TTC28: variants seen among roughly 807,000 people sequenced by gnomAD.
TTC28 encodes the protein tetratricopeptide repeat domain 28, also known as tetratricopeptide repeat protein 28.
In TTC28, 61 loss-of-function variants were observed where a neutral mutation model predicts 198.0. The observed-to-expected ratio is 0.31, with a 90% confidence interval of 0.25 to 0.38. The LOEUF is 0.38. Among genes scored for constraint, TTC28 ranks in the 10% least tolerant of loss-of-function variants. TTC28 has a pLI of 1.00. For synonymous variants in TTC28, 1,171 were observed against 1,297.8 expected, an observed-to-expected ratio of 0.90 and a Z score of 2.10; for missense variants, 2,678 against 3,164.0, an observed-to-expected ratio of 0.85 and a Z score of 3.69.
chr22:28,530,347 A>G (rs1162935879), intron 2 of TTC28, among the ~76,000 whole-genome samples: 2 of 152,210 alleles, frequency 1.3e-5, no homozygotes, highest in Non-Finnish European at 2.9e-5. Flanking sequence ...AAGCGAGAAG[A>G]CAAGTTTAGA....
chr22:28,439,902 C>T (rs761425883), intron 2 of TTC28, among the ~76,000 whole-genome samples: 3 of 151,922 alleles, frequency 2.0e-5, no homozygotes, highest in Non-Finnish European at 4.4e-5. Flanking sequence ...ATGGCGTGAT[C>T]TCGGCTCACC....
chr22:28,166,734 T>C (rs1000353554), intron 5 of TTC28, among the ~76,000 whole-genome samples: 19 of 152,126 alleles, frequency 1.2e-4, no homozygotes, highest in Non-Finnish European at 2.2e-4. Flanking sequence ...AGATCTAAAA[T>C]TGATACCCTA....
At chr22:28,476,001 G>A (rs1327297200) in intron 2 of TTC28, among the ~76,000 whole-genome samples, 1 of 152,104 alleles carries the variant, frequency 6.6e-6, no homozygotes, top group African/African-American at 2.4e-5. Context: ...CTACACAAAA[G>A]CCAGAGTAGC....
At chr22:28,543,565 A>G (rs2049467694) in intron 2 of TTC28, among the ~76,000 whole-genome samples, 1 of 152,048 alleles carries the variant, frequency 6.6e-6, no homozygotes, top group African/African-American at 2.4e-5. Flanking sequence ...GAGGGAGAAG[A>G]GAAAATCTGA....
At chr22:28,444,809 T>C (rs992558195) in intron 2 of TTC28, among the ~76,000 whole-genome samples, 5 of 152,198 alleles carry the variant, frequency 3.3e-5, no homozygotes, top group Non-Finnish European at 7.3e-5. Context: ...CTTAAGCACC[T>C]ATTATTTCAC....
intron 1 of TTC28, among the ~76,000 whole-genome samples, chr22:28,663,117 G>T (rs887621920): frequency 6.6e-6 from 1 of 151,746 alleles, no homozygotes; most frequent in Admixed American, 6.6e-5. Context: ...GCGTGGTGGC[G>T]AACGCCTGTA....
At chr22:28,403,909 T>C (rs148515454) in intron 2 of TTC28, among the ~76,000 whole-genome samples, 152 of 152,270 alleles carry the variant, frequency 1.0e-3, no homozygotes, top group African/African-American at 3.6e-3. Flanking sequence ...GTGTTGGAAA[T>C]GCAATTAGGG....
chr22:28,065,639 T>C (rs1940719523), intron 12 of TTC28, among the ~76,000 whole-genome samples: 1 of 152,238 alleles, frequency 6.6e-6, no homozygotes, highest in South Asian at 2.1e-4. Flanking sequence ...TGTCACAGCC[T>C]CAGGTGCCCT....
At chr22:27,999,348 G>C (rs1031386998) in intron 15 of TTC28, 88 bp from the exon 16 acceptor site, 29 of 1,451,860 alleles carry the variant, frequency 2.0e-5, no homozygotes, top group Non-Finnish European at 2.5e-5. Context: ...GGGACGGCCA[G>C]CTCTCTGCTG....
chr22:28,526,739 TTTTG>T (rs1294067697), intron 2 of TTC28, among the ~76,000 whole-genome samples: 9 of 152,164 alleles, frequency 5.9e-5, no homozygotes, highest in African/African-American at 1.9e-4. Flanking sequence ...TAATCTGTTT[TTTTG>T]TTTGTTTGTT....
chr22:28,354,916 G>A (rs1209607170), intron 2 of TTC28, among the ~76,000 whole-genome samples: 1 of 151,402 alleles, frequency 6.6e-6, no homozygotes. Flanking sequence ...CTGGTGCGCT[G>A]CACCCACTAA....
intron 18 of TTC28, chr22:27,993,047 AG>A: frequency 1.7e-6 from 1 of 573,364 alleles, no homozygotes; most frequent in South Asian, 2.3e-5. Flanking sequence ...CATCCCGGGA[AG>A]GGGCAGCGCC....
chr22:28,508,512 T>C (rs2146387117), intron 2 of TTC28, among the ~76,000 whole-genome samples: 1 of 152,160 alleles, frequency 6.6e-6, no homozygotes, highest in Admixed American at 6.5e-5. Context: ...CTCAAACTCC[T>C]GACCTTAGGT....
chr22:28,006,382 C>G (rs1441371118), intron 14 of TTC28: 1 of 152,168 alleles, frequency 6.6e-6, no homozygotes, highest in Non-Finnish European at 1.5e-5. Flanking sequence ...TGGTCAAATG[C>G]GAATTTACAA....
intron 2 of TTC28, among the ~76,000 whole-genome samples, chr22:28,355,133 C>G (rs933254263): frequency 5.9e-5 from 9 of 152,070 alleles, no homozygotes; most frequent in African/African-American, 1.9e-4. Context: ...CTCACATAAA[C>G]TTCATACAAA....
rs541508007 is a variant in TTC28, at chr22:28,168,563, A to C, written c.934-4964T>G. 1.5e-3 allele frequency among the ~76,000 whole-genome samples: 227 copies of C among 152,210 alleles called. 1 individual carries two copies. The highest frequency in any genetic ancestry group is 4.6e-3 in the South Asian group (22 of 4,812). On this transcript the variant is annotated intron_variant, in intron 5 of 22. Coordinates refer to ENST00000397906, the MANE Select transcript of TTC28 (RefSeq NM_001145418.2). The stretch of plus-strand genomic sequence containing the variant: ...CTTTGACAAACCTGACAAAAACAAG[A>C]AATGGGGAAAGGATTCCCTATTTAA...
chr22:28,095,045 C>T (rs575194239), intron 11 of TTC28, among the ~76,000 whole-genome samples: 66 of 152,132 alleles, frequency 4.3e-4, no homozygotes, highest in Non-Finnish European at 7.8e-4. Context: ...CAAATCATGT[C>T]CCCAAGATGT....
At chr22:28,336,279 G>A (rs1052514531) in intron 2 of TTC28, among the ~76,000 whole-genome samples, 2 of 152,134 alleles carry the variant, frequency 1.3e-5, no homozygotes. Flanking sequence ...ATGTTCATCA[G>A]GGATATTGGT....
At chr22:28,384,850 T>C (rs1171502156) in intron 2 of TTC28, among the ~76,000 whole-genome samples, 1 of 152,018 alleles carries the variant, frequency 6.6e-6, no homozygotes, top group Non-Finnish European at 1.5e-5. Context: ...CTTTAAAAAT[T>C]AGACAGGTGG....
Sources: allele counts gnomAD v4.1 joint callset (sites outside exome capture counted in the v4.1 genomes callset), GRCh38; gene constraint gnomAD v4.1.1; transcripts MANE v1.5; gene names NCBI Gene and HGNC (gene_info 2026-07-23, HGNC 2026-07-21).